Variants in PTPRD observed in about 807,000 individuals in gnomAD.
The protein encoded by PTPRD is protein tyrosine phosphatase receptor type D, also known as receptor-type tyrosine-protein phosphatase delta.
Under a neutral mutation model 214.5 loss-of-function variants are expected in PTPRD, and 34 were observed. The ratio of observed to expected loss-of-function variants is 0.16; its 90% CI spans 0.12 to 0.21. The LOEUF is 0.21. PTPRD is among the 10% of genes least tolerant of loss of function. PTPRD has a pLI of 1.00. For synonymous variants in PTPRD, 1,128 were observed against 845.7 expected (o/e 1.33, Z -5.79); for missense variants, 2,545 against 2,398.7 (o/e 1.06, Z -1.27).
intron 11 of PTPRD, among the ~76,000 whole-genome samples, chr9:8,837,534 ACT>A (rs1189675822): frequency 6.6e-6 from 1 of 151,726 alleles, no homozygotes; most frequent in African/African-American, 2.4e-5. Flanking sequence ...AAGAGGTCTC[ACT>A]CTGTTGCCCA....
At chr9:10,314,237 T>C (rs567031937) in intron 3 of PTPRD, among the ~76,000 whole-genome samples, 95 of 151,902 alleles carry the variant, frequency 6.3e-4, no homozygotes, top group African/African-American at 2.0e-3. Context: ...GAAGAACAGA[T>C]TGAAAATTAT....
intron 3 of PTPRD, among the ~76,000 whole-genome samples, chr9:10,230,428 G>A (rs62539660): frequency 2.3e-5 from 3 of 128,350 alleles, no homozygotes; most frequent in African/African-American, 5.8e-5. Flanking sequence ...ATGTATCTAT[G>A]TATCTATGTA....
intron 5 of PTPRD, among the ~76,000 whole-genome samples, chr9:9,895,214 TAC>T (rs1273673363): frequency 6.6e-6 from 1 of 151,990 alleles, no homozygotes; most frequent in Non-Finnish European, 1.5e-5. Flanking sequence ...AGAAGAAATA[TAC>T]ATACCAATAA....
At chr9:8,878,958 T>C (rs1416430178) in intron 11 of PTPRD, among the ~76,000 whole-genome samples, 1 of 152,196 alleles carries the variant, frequency 6.6e-6, no homozygotes, top group African/African-American at 2.4e-5. Flanking sequence ...CAAGCTACAG[T>C]TGGTTGCATT....
intron 21 of PTPRD, among the ~76,000 whole-genome samples, chr9:8,512,920 T>C (rs574596489): frequency 1.8e-4 from 28 of 152,170 alleles, no homozygotes; most frequent in Admixed American, 8.5e-4. Context: ...TTTCTACTTC[T>C]TCTATAAAAT....
At chr9:8,991,455 T>G (rs749101460) in intron 11 of PTPRD, among the ~76,000 whole-genome samples, 7 of 152,102 alleles carry the variant, frequency 4.6e-5, no homozygotes, top group Non-Finnish European at 1.0e-4. Context: ...TTGCCTTATT[T>G]AATTTCCGTT....
intron 12 of PTPRD, among the ~76,000 whole-genome samples, 169 bp downstream of exon 12, chr9:8,733,611 C>A (rs1368152975): frequency 2.0e-5 from 3 of 152,128 alleles, no homozygotes; most frequent in Non-Finnish European, 2.9e-5. Context: ...GTGAGGAAGT[C>A]ACGTCAATAA....
intron 2 of PTPRD, among the ~76,000 whole-genome samples, chr9:10,515,195 T>C (rs999644505): frequency 1.3e-5 from 2 of 152,018 alleles, no homozygotes; most frequent in Non-Finnish European, 2.9e-5. Flanking sequence ...CACTGGCAAG[T>C]ATAACTTCAA....
At chr9:10,454,587 C>G (rs570189273) in intron 2 of PTPRD, among the ~76,000 whole-genome samples, 1 of 151,654 alleles carries the variant, frequency 6.6e-6, no homozygotes, top group African/African-American at 2.4e-5. Flanking sequence ...AATCATTCTT[C>G]CACCTTAAAC....
intron 2 of PTPRD, among the ~76,000 whole-genome samples, chr9:10,521,360 G>C (rs1389824411): frequency 6.6e-6 from 1 of 152,132 alleles, no homozygotes; most frequent in African/African-American, 2.4e-5. Context: ...GACTGAATTG[G>C]TGAGGAGTTG....
intron 12 of PTPRD, among the ~76,000 whole-genome samples, chr9:8,648,854 G>A (rs2096748779): frequency 6.6e-6 from 1 of 152,160 alleles, no homozygotes; most frequent in Non-Finnish European, 1.5e-5. Context: ...TTTTTGTAGA[G>A]TTAGTTTTCA....
chr9:9,242,720 G>A (rs1569565491), intron 9 of PTPRD, among the ~76,000 whole-genome samples: 1 of 152,016 alleles, frequency 6.6e-6, no homozygotes, highest in Non-Finnish European at 1.5e-5. Flanking sequence ...CTCTACACTG[G>A]TTATTCTAGT....
chr9:8,484,166 G>A lies in PTPRD; in HGVS notation c.3366C>T (p.Gly1122=), dbSNP rs1565181360. The change falls in exon 30 of 46, where the codon GGC becomes GGT. Residue 1122 remains glycine (G), a synonymous_variant. Coordinates refer to ENST00000381196, the MANE Select transcript of PTPRD (RefSeq NM_002839.4). The stretch of plus-strand genomic sequence containing the variant: ...CTTCAGGCAGTTGCACAGTAATCAT[G>A]CCATCCAAGTTGGTCTTCCCAATGA... ...PAFIGKTNLD[G]MITVQLPEVP... 1 of 1,614,064 alleles carries A rather than the reference G, an allele frequency of 6.2e-7. No individual in the cohort carries two copies. The highest frequency in any genetic ancestry group is 2.2e-5 in the East Asian group (1 of 44,872).
intron 3 of PTPRD, among the ~76,000 whole-genome samples, chr9:10,102,323 T>A (rs1327647007): frequency 1.3e-5 from 2 of 151,570 alleles, no homozygotes; most frequent in Non-Finnish European, 3.0e-5. Context: ...TGATGAAACA[T>A]TCCTCCTGAG....
intron 8 of PTPRD, among the ~76,000 whole-genome samples, chr9:9,470,476 T>A (rs984509412): frequency 6.6e-6 from 1 of 152,196 alleles, no homozygotes; most frequent in Non-Finnish European, 1.5e-5. Flanking sequence ...AAATACAAAG[T>A]ATTTTATTAA....
intron 10 of PTPRD, among the ~76,000 whole-genome samples, chr9:9,030,340 G>A (rs1213721451): frequency 2.6e-5 from 3 of 113,246 alleles, no homozygotes; most frequent in Admixed American, 2.5e-4. Flanking sequence ...TCATTCACTA[G>A]TAAGTATACC....
chr9:8,451,669 C>T (rs1348235588), intron 33 of PTPRD, among the ~76,000 whole-genome samples: 6 of 152,130 alleles, frequency 3.9e-5, no homozygotes, highest in Non-Finnish European at 8.8e-5. Context: ...GTCAATTCCA[C>T]GTGAAACATA....
chr9:9,273,805 A>G (rs1279165461), intron 9 of PTPRD, among the ~76,000 whole-genome samples: 1 of 151,198 alleles, frequency 6.6e-6, no homozygotes, highest in African/African-American at 2.4e-5. Context: ...CTCCACTGCA[A>G]ATCTGACTAG....
At chr9:9,540,804 C>T (rs879759666) in intron 8 of PTPRD, among the ~76,000 whole-genome samples, 12 of 151,560 alleles carry the variant, frequency 7.9e-5, no homozygotes, top group Non-Finnish European at 1.3e-4. Context: ...AAGTTATGGG[C>T]CCTGAAGTAT....
Sources: gnomAD v4.1 joint callset for allele counts (sites outside exome capture counted in the v4.1 genomes callset) on GRCh38, gnomAD v4.1.1 for gene constraint, MANE v1.5 for transcripts, NCBI Gene and HGNC (gene_info 2026-07-23, HGNC 2026-07-21) for gene names.